The following AGBL1 variants were observed in gnomAD, a reference collection of about 807,000 sequenced individuals.
AGBL1 encodes the protein cytosolic carboxypeptidase 4.
A neutral mutation model predicts 118.9 loss-of-function variants in AGBL1; 130 were observed. That is an observed-to-expected ratio of 1.09 (90% confidence interval 0.95 to 1.26). The LOEUF (loss-of-function observed/expected upper bound fraction) is 1.26, where lower values mean the gene tolerates loss of function less well. Among genes scored for constraint, AGBL1 ranks in the 50% most tolerant of loss-of-function variants. The pLI, the probability that AGBL1 is intolerant of heterozygous loss-of-function variation, is 0.00. For synonymous variants in AGBL1, 555 were observed against 478.9 expected (o/e 1.16, Z -2.08); for missense variants, 1,584 against 1,298.1 (o/e 1.22, Z -3.38).
At chr15:86,970,604 A>G (rs923828405) in intron 23 of AGBL1, among the ~76,000 whole-genome samples, 5 of 151,984 alleles carry the variant, frequency 3.3e-5, no homozygotes, top group African/African-American at 4.8e-5. Context: ...CTAAACTACA[A>G]TCATGGTACC....
At chr15:86,991,066 G>C (rs773181870) in intron 24 of AGBL1, among the ~76,000 whole-genome samples, 1 of 152,106 alleles carries the variant, frequency 6.6e-6, no homozygotes, top group Non-Finnish European at 1.5e-5. Context: ...GAGTACCTAG[G>C]CTCTCTGATC....
At chr15:86,918,304 G>A (rs1020871911), downstream of AGBL1, among the ~76,000 whole-genome samples, 5 of 152,164 alleles carry the variant, frequency 3.3e-5, no homozygotes, top group African/African-American at 1.2e-4. Context: ...CAAAGTGAGT[G>A]GTTAGTGGAG....
intron 21 of AGBL1, among the ~76,000 whole-genome samples, chr15:86,623,448 C>T (rs1416857392): frequency 6.6e-6 from 1 of 152,224 alleles, no homozygotes; most frequent in African/African-American, 2.4e-5. Context: ...GACACTGGTA[C>T]AGCTGTCTAG....
intron 23 of AGBL1, among the ~76,000 whole-genome samples, chr15:86,960,830 A>G (rs1203348728): frequency 2.0e-5 from 3 of 152,136 alleles, no homozygotes; most frequent in African/African-American, 7.2e-5. Context: ...GAAATAAGCC[A>G]GACAGAAAAA....
intron 22 of AGBL1, among the ~76,000 whole-genome samples, chr15:86,698,373 A>T (rs1468092949): frequency 6.6e-6 from 1 of 151,974 alleles, no homozygotes; most frequent in African/African-American, 2.4e-5. Flanking sequence ...TTTATAGAAA[A>T]GGATACTGAG....
chr15:86,542,896 CCTAT>C (rs1443514076), intron 19 of AGBL1, among the ~76,000 whole-genome samples: 2 of 152,160 alleles, frequency 1.3e-5, no homozygotes, highest in Admixed American at 6.5e-5. Flanking sequence ...TTACTTTCAA[CCTAT>C]CTGTGTCTTT....
chr15:86,134,483 G>A (rs959742517), intron 1 of AGBL1, among the ~76,000 whole-genome samples: 1 of 152,056 alleles, frequency 6.6e-6, no homozygotes, highest in Non-Finnish European at 1.5e-5. Context: ...AAGTGCGAGG[G>A]GATGGACTGT....
chr15:86,651,089 T>C (rs2085361315), intron 21 of AGBL1, among the ~76,000 whole-genome samples: 1 of 152,162 alleles, frequency 6.6e-6, no homozygotes, highest in Non-Finnish European at 1.5e-5. Context: ...TCCCCCAACA[T>C]ACAACTTAAT....
At chr15:86,150,252 G>A (rs1163294701) in intron 3 of AGBL1, among the ~76,000 whole-genome samples, 1 of 152,106 alleles carries the variant, frequency 6.6e-6, no homozygotes, top group Admixed American at 6.6e-5. Context: ...GCAAAAGCTA[G>A]CATAAGGCAA....
chr15:86,597,142 T>TCCAC (rs1263330833), intron 21 of AGBL1, among the ~76,000 whole-genome samples: 1 of 151,248 alleles, frequency 6.6e-6, no homozygotes, highest in Non-Finnish European at 1.5e-5. Context: ...TATCCATCCA[T>TCCAC]CCATCCATCC....
chr15:87,007,661 G>T (rs536766902), intron 24 of AGBL1, among the ~76,000 whole-genome samples: 1 of 152,116 alleles, frequency 6.6e-6, no homozygotes, highest in African/African-American at 2.4e-5. Flanking sequence ...GAAAATAACT[G>T]GGCAACAAAA....
intron 22 of AGBL1, among the ~76,000 whole-genome samples, chr15:86,813,300 T>G (rs1429406126): frequency 2.6e-5 from 4 of 152,096 alleles, no homozygotes; most frequent in Non-Finnish European, 5.9e-5. Context: ...CTATTCCCAG[T>G]ACACAGCATG....
chr15:86,510,323 G>C (rs2083038822), intron 18 of AGBL1, among the ~76,000 whole-genome samples: 2 of 141,186 alleles, frequency 1.4e-5, no homozygotes, highest in South Asian at 2.4e-4. Flanking sequence ...ATTTTGGCTT[G>C]ATCAACTCAT....
At chr15:86,956,037 C>G (rs528612137) in intron 23 of AGBL1, among the ~76,000 whole-genome samples, 1 of 151,896 alleles carries the variant, frequency 6.6e-6, no homozygotes, top group African/African-American at 2.4e-5. Flanking sequence ...ACAGTTTATA[C>G]GAAACAAGTT....
At chr15:86,590,635 G>T (rs1276393440) in intron 21 of AGBL1, among the ~76,000 whole-genome samples, 1 of 152,166 alleles carries the variant, frequency 6.6e-6, no homozygotes, top group African/African-American at 2.4e-5. Context: ...AACCTCACAG[G>T]TAGCAACCCT....
chr15:86,709,693 C>A (rs11635690), intron 22 of AGBL1, among the ~76,000 whole-genome samples: 78,419 of 151,922 alleles, frequency 0.52, 22,431 homozygotes, highest in African/African-American at 0.77. Flanking sequence ...GGTATTTGAT[C>A]TATGGGAAGA....
Position 86,858,119 on chromosome 15 carries a change from T to C in AGBL1, c.3159-48968T>C, listed in dbSNP as rs1361702102. On this transcript the variant is annotated intron_variant, in intron 22 of 22. Transcript: ENST00000614907. ...TTACAAATAGTATGTAAGGCCATGC[T>C]GGGGATACAATATCTGTAGCACAGA... 3.3e-5 allele frequency among the ~76,000 whole-genome samples: 5 copies of C among 152,186 alleles called. No individual in the cohort carries two copies. In the South Asian group the frequency reaches 6.2e-4, roughly 19 times the overall value.
intron 21 of AGBL1, among the ~76,000 whole-genome samples, chr15:86,589,583 A>G (rs1294481078): frequency 6.6e-6 from 1 of 152,176 alleles, no homozygotes; most frequent in Non-Finnish European, 1.5e-5. Context: ...GGGAAGTCCA[A>G]TTACTTCAAA....
intron 24 of AGBL1, among the ~76,000 whole-genome samples, chr15:86,993,583 A>C (rs1465528015): frequency 6.6e-6 from 1 of 152,284 alleles, no homozygotes; most frequent in Non-Finnish European, 1.5e-5. Flanking sequence ...TGTTCTTCTC[A>C]CGTGGGTGGT....
Sources: allele counts gnomAD v4.1 joint callset (sites outside exome capture counted in the v4.1 genomes callset), GRCh38; gene constraint gnomAD v4.1.1; transcripts MANE v1.5; gene names NCBI Gene and HGNC (gene_info 2026-07-23, HGNC 2026-07-21).